The following ENOX1 variants were observed in gnomAD, a reference collection of about 807,000 sequenced individuals.
ENOX1 encodes ecto-NOX disulfide-thiol exchanger 1.
Under a neutral mutation model 82.5 loss-of-function variants are expected in ENOX1, and 42 were observed. That is an observed-to-expected ratio of 0.51 (90% CI 0.40 to 0.66). The LOEUF (loss-of-function observed/expected upper bound fraction) is 0.66. Among genes scored for constraint, ENOX1 ranks in the 30% least tolerant of loss-of-function variants. The pLI is 0.00. For missense variants in ENOX1, 608 were observed against 811.6 expected (o/e 0.75, Z 3.05); for synonymous variants, 271 against 282.2 (o/e 0.96, Z 0.40).
At chr13:43,510,598 G>A (rs1246197004) in intron 2 of ENOX1, among the ~76,000 whole-genome samples, 3 of 152,012 alleles carry the variant, frequency 2.0e-5, no homozygotes, top group Admixed American at 6.6e-5. Flanking sequence ...GCCATTGCCC[G>A]CATTTTGATT....
intron 2 of ENOX1, among the ~76,000 whole-genome samples, chr13:43,652,180 G>A (rs755519553): frequency 6.6e-6 from 1 of 151,856 alleles, no homozygotes; most frequent in Non-Finnish European, 1.5e-5. Context: ...TTTTTTGGAG[G>A]GAACAGGAGT....
intron 1 of ENOX1, among the ~76,000 whole-genome samples, chr13:43,735,999 C>T (rs1218957697): frequency 6.6e-6 from 1 of 152,154 alleles, no homozygotes; most frequent in African/African-American, 2.4e-5. Flanking sequence ...ATGATCAAAA[C>T]CCATTTTCAG....
chr13:43,681,083 C>A (rs142013472), intron 1 of ENOX1, among the ~76,000 whole-genome samples: 5 of 152,294 alleles, frequency 3.3e-5, no homozygotes, highest in East Asian at 3.9e-4. Context: ...ACACTTGCTG[C>A]AGCCCTGCCC....
intron 2 of ENOX1, among the ~76,000 whole-genome samples, chr13:43,625,208 T>C (rs1403262840): frequency 6.6e-6 from 1 of 152,208 alleles, no homozygotes; most frequent in Admixed American, 6.5e-5. Flanking sequence ...GGCTTTTATA[T>C]GTTCAGCTTG....
chr13:43,678,771 A>G (rs1341293286), intron 1 of ENOX1, among the ~76,000 whole-genome samples: 2 of 152,176 alleles, frequency 1.3e-5, no homozygotes, highest in Non-Finnish European at 2.9e-5. Context: ...GGTTGCCGCC[A>G]TTAATATAGC....
intron 9 of ENOX1, among the ~76,000 whole-genome samples, chr13:43,336,146 G>A (rs1029196744): frequency 2.6e-5 from 4 of 152,178 alleles, no homozygotes; most frequent in Non-Finnish European, 5.9e-5. Flanking sequence ...TTTGACAGCA[G>A]GGGACATAGA....
intron 9 of ENOX1, among the ~76,000 whole-genome samples, chr13:43,328,159 C>G (rs1189543347): frequency 6.6e-6 from 1 of 152,214 alleles, no homozygotes; most frequent in African/African-American, 2.4e-5. Context: ...TGCTGGCCAT[C>G]AGCTGACCAC....
At chr13:43,249,873 T>C (rs564749035) in intron 14 of ENOX1, among the ~76,000 whole-genome samples, 15 of 152,332 alleles carry the variant, frequency 9.8e-5, no homozygotes, top group South Asian at 4.1e-4. Context: ...ATTCTCTCTA[T>C]TCACCGCTGC....
chr13:43,301,082 T>C (rs750805397), intron 11 of ENOX1, among the ~76,000 whole-genome samples: 6 of 152,182 alleles, frequency 3.9e-5, no homozygotes, highest in Non-Finnish European at 8.8e-5. Context: ...AAAATGCAAA[T>C]GATGAAGAAA....
At chr13:43,750,802 T>C (rs1394947357) in intron 1 of ENOX1, among the ~76,000 whole-genome samples, 1 of 152,176 alleles carries the variant, frequency 6.6e-6, no homozygotes. Flanking sequence ...CAAAACAAAA[T>C]AGTTGCATGG....
intron 9 of ENOX1, among the ~76,000 whole-genome samples, chr13:43,329,971 T>G (rs1346524482): frequency 6.6e-6 from 1 of 152,136 alleles, no homozygotes; most frequent in Non-Finnish European, 1.5e-5. Flanking sequence ...CCTCTAAGAG[T>G]ATGCCCTAAT....
At chr13:43,252,971 T>C (rs1031922266) in intron 14 of ENOX1, among the ~76,000 whole-genome samples, 1 of 152,196 alleles carries the variant, frequency 6.6e-6, no homozygotes, top group Non-Finnish European at 1.5e-5. Context: ...TTTAAACATA[T>C]TTATTGCCAA....
intron 1 of ENOX1, among the ~76,000 whole-genome samples, chr13:43,777,752 G>A (rs1326003007): frequency 7.9e-5 from 12 of 151,718 alleles, no homozygotes; most frequent in Admixed American, 6.6e-4. Context: ...GTTTCACCAC[G>A]TTGGTCTGGC....
intron 14 of ENOX1, among the ~76,000 whole-genome samples, chr13:43,263,182 G>C (rs998226337): frequency 6.6e-6 from 1 of 152,204 alleles, no homozygotes; most frequent in African/African-American, 2.4e-5. Context: ...AAGAGGGTGA[G>C]TAAGTAATCC....
chr13:43,749,755 T>A (rs1343053836), intron 1 of ENOX1, among the ~76,000 whole-genome samples: 2 of 152,230 alleles, frequency 1.3e-5, no homozygotes, highest in African/African-American at 4.8e-5. Context: ...TTTAAGGTAG[T>A]TGAGTAATTA....
chr13:43,758,616 A>C (rs925822131), intron 1 of ENOX1, among the ~76,000 whole-genome samples: 3 of 152,232 alleles, frequency 2.0e-5, no homozygotes, highest in Non-Finnish European at 4.4e-5. Flanking sequence ...TGGAGAAATT[A>C]AGTACAAGGA....
rs2078093952 is a variant in ENOX1, at chr13:43,528,927, T to C, written c.-218-44775A>G. On this transcript the variant is annotated intron_variant, in intron 2 of 16. Coordinates refer to ENST00000690772, the MANE Select transcript of ENOX1 (RefSeq NM_001347969.2). The stretch of plus-strand genomic sequence containing the variant: ...TGTCTTCGATTTAGAGAAATTATCT[T>C]ATTTATTTGATAATTGCCTTGTATT... 2.0e-5 allele frequency among the ~76,000 whole-genome samples: 3 copies of C among 152,092 alleles called. No homozygotes were observed. The South Asian group carries it at 6.2e-4, about 31-fold the overall frequency.
chr13:43,556,570 A>G (rs980694180), intron 2 of ENOX1, among the ~76,000 whole-genome samples: 16 of 152,354 alleles, frequency 1.1e-4, no homozygotes, highest in Non-Finnish European at 1.0e-4. Flanking sequence ...CTGGCAAATC[A>G]GCAACAAAAG....
intron 1 of ENOX1, among the ~76,000 whole-genome samples, chr13:43,677,560 C>T (rs569329693): frequency 1.3e-4 from 20 of 152,290 alleles, no homozygotes; most frequent in African/African-American, 4.6e-4. Flanking sequence ...AGCGCTCTTT[C>T]TCTTCTTTCC....
Sources: allele counts gnomAD v4.1 joint callset (sites outside exome capture counted in the v4.1 genomes callset), GRCh38; gene constraint gnomAD v4.1.1; transcripts MANE v1.5; gene names NCBI Gene and HGNC (gene_info 2026-07-23, HGNC 2026-07-21).